The following TRPC5 variants were observed in gnomAD, a reference collection of about 807,000 sequenced individuals.
TRPC5 encodes the protein transient receptor potential cation channel subfamily C member 5, also known as short transient receptor potential channel 5.
In TRPC5, 9 loss-of-function variants were observed where a neutral mutation model predicts 56.5. The observed-to-expected ratio is 0.16, with a 90% CI of 0.10 to 0.28. The LOEUF is 0.28. Ranked by LOEUF, TRPC5 falls within the 10% of genes least tolerant of loss-of-function variation. TRPC5 has a pLI of 1.00. For synonymous variants in TRPC5, 282 were observed against 278.5 expected, an observed-to-expected ratio of 1.01 and a Z score of -0.13; for missense variants, 469 against 748.9, an observed-to-expected ratio of 0.63 and a Z score of 4.36.
At chrX:112,053,347 G>A (rs915633272) in intron 1 of TRPC5, among the ~76,000 whole-genome samples, 26 of 111,672 alleles carry the variant, frequency 2.3e-4, no homozygotes, top group African/African-American at 8.1e-4. Context: ...TCGATATTTT[G>A]AGTTTCAGTT....
intron 7 of TRPC5, among the ~76,000 whole-genome samples, chrX:111,822,388 G>A (rs1038244656): frequency 1.8e-5 from 2 of 112,280 alleles, no homozygotes; most frequent in Non-Finnish European, 3.8e-5. Flanking sequence ...GGATGATAAT[G>A]AGAGGATGCC....
intron 1 of TRPC5, among the ~76,000 whole-genome samples, chrX:112,002,218 A>G (rs1928714254): frequency 8.9e-6 from 1 of 112,504 alleles, no homozygotes; most frequent in Non-Finnish European, 1.9e-5. Flanking sequence ...AGGAATGGAC[A>G]AAAATTTTCA....
intron 1 of TRPC5, among the ~76,000 whole-genome samples, chrX:112,053,983 A>G (rs1362821290): frequency 8.9e-6 from 1 of 112,599 alleles, no homozygotes; most frequent in African/African-American, 3.2e-5. Context: ...TGAATAAAGC[A>G]GACATGACTA....
chrX:111,881,145 T>TA lies in TRPC5; in HGVS notation c.901-27040_901-27039insT, dbSNP rs201802293. On this transcript the variant is annotated intron_variant, in intron 3 of 10. Coordinates refer to ENST00000262839, the MANE Select transcript of TRPC5 (RefSeq NM_012471.3). ...TTGCTGTTGTTTTGTGATTTTCTTTTGTTTATTTTATTTTATTTTATTTTA... is the reference window on the plus strand; with the variant it reads ...TTGCTGTTGTTTTGTGATTTTCTTTTAGTTTATTTTATTTTATTTTATTTTA... 5.0e-3 allele frequency among the ~76,000 whole-genome samples: 473 copies of TA among 95,030 alleles called. 2 individuals carry two copies. The highest frequency in any genetic ancestry group is 0.025 in the African/African-American group (453 of 17,897). 82.5% of individuals were successfully genotyped at this position (95,030 alleles called of 115,157 possible). A position where few individuals can be genotyped will look rare whatever the true frequency, so the allele number is the denominator to read the frequency against.
chrX:112,000,455 G>A (rs911140539), intron 1 of TRPC5, among the ~76,000 whole-genome samples: 3 of 112,004 alleles, frequency 2.7e-5, no homozygotes, highest in African/African-American at 9.8e-5. Context: ...GTTCACTGGG[G>A]AGCACAGCAG....
At chrX:111,820,616 G>T (rs1282342501) in intron 7 of TRPC5, among the ~76,000 whole-genome samples, 1 of 111,740 alleles carries the variant, frequency 8.9e-6, no homozygotes, top group Non-Finnish European at 1.9e-5. Context: ...TGTTACAATG[G>T]GTAGTTGAGA....
chrX:111,917,777 G>A (rs1926017665), intron 2 of TRPC5, among the ~76,000 whole-genome samples: 1 of 112,620 alleles, frequency 8.9e-6, no homozygotes, highest in African/African-American at 3.2e-5. Context: ...CCAGTTTCCA[G>A]GGCAACCAAG....
intron 1 of TRPC5, among the ~76,000 whole-genome samples, chrX:112,049,596 T>C (rs1339325741): frequency 9.2e-6 from 1 of 108,845 alleles, no homozygotes; most frequent in East Asian, 2.8e-4. Context: ...CTCAAACTCC[T>C]GGGCTCAAGT....
At chrX:111,936,416 C>T (rs908653964) in intron 2 of TRPC5, among the ~76,000 whole-genome samples, 1 of 108,434 alleles carries the variant, frequency 9.2e-6, no homozygotes, top group African/African-American at 3.4e-5. Context: ...TATATGTATA[C>T]ATGTGCCATG....
chrX:111,923,649 G>C (rs190912691), intron 2 of TRPC5, among the ~76,000 whole-genome samples: 103 of 111,928 alleles, frequency 9.2e-4, no homozygotes, highest in African/African-American at 3.0e-3. Context: ...AAGGCTCCAA[G>C]GTAGGAAGGG....
At chrX:112,061,954 T>C (rs923004351) in intron 1 of TRPC5, among the ~76,000 whole-genome samples, 1 of 112,171 alleles carries the variant, frequency 8.9e-6, no homozygotes, top group African/African-American at 3.2e-5. Context: ...TTCAATGATA[T>C]AATGGTTTGA....
intron 2 of TRPC5, among the ~76,000 whole-genome samples, chrX:111,922,367 T>C (rs1206101014): frequency 5.4e-5 from 6 of 112,121 alleles, no homozygotes; most frequent in African/African-American, 1.9e-4. Flanking sequence ...AAAATGAACC[T>C]CCTGTCTTAT....
chrX:111,883,313 G>T (rs973492939), intron 3 of TRPC5, among the ~76,000 whole-genome samples: 1 of 111,916 alleles, frequency 8.9e-6, no homozygotes, highest in Non-Finnish European at 1.9e-5. Flanking sequence ...AGCCCAACTG[G>T]GACCTATTCA....
intron 1 of TRPC5, among the ~76,000 whole-genome samples, chrX:111,972,555 A>G (rs1927812891): frequency 1.8e-5 from 2 of 112,349 alleles, no homozygotes; most frequent in African/African-American, 3.2e-5. Context: ...AACTCAGTGT[A>G]GCTGACTGGG....
At chrX:112,036,728 G>T (rs997837387) in intron 1 of TRPC5, among the ~76,000 whole-genome samples, 1 of 111,391 alleles carries the variant, frequency 9.0e-6, no homozygotes, top group Non-Finnish European at 1.9e-5. Context: ...TGCCTATTCT[G>T]CTATTTTGCT....
rs1298710443 is a variant in TRPC5 at position 112,070,514 on chromosome X, T to A, written c.-22+11365A>T. 2.7e-5 allele frequency among the ~76,000 whole-genome samples: 3 copies of A among 110,728 alleles called. No individual in the cohort carries two copies. In the Admixed American group the frequency reaches 2.9e-4, roughly 11 times the overall value. On this transcript the variant is annotated intron_variant, in intron 1 of 10. Coordinates refer to ENST00000262839, the MANE Select transcript of TRPC5 (RefSeq NM_012471.3). The stretch of plus-strand genomic sequence containing the variant: ...GTCTCCAACCTTATAGAGGAAAGAG[T>A]CTTTGAGATATGAATCTCCCCCACC...
At chrX:112,072,326 A>C (rs904287414) in intron 1 of TRPC5, among the ~76,000 whole-genome samples, 9 of 112,141 alleles carry the variant, frequency 8.0e-5, no homozygotes, top group Non-Finnish European at 1.3e-4. Flanking sequence ...AACTCTTAGA[A>C]CCATGCCTTT....
At chrX:111,968,945 C>T (rs1465421571) in intron 1 of TRPC5, among the ~76,000 whole-genome samples, 39 of 103,417 alleles carry the variant, frequency 3.8e-4, no homozygotes, top group African/African-American at 8.8e-4. Flanking sequence ...CTGCACATTG[C>T]GCACATGTAC....
At chrX:111,870,102 G>C (rs1394244059) in intron 3 of TRPC5, among the ~76,000 whole-genome samples, 1 of 112,139 alleles carries the variant, frequency 8.9e-6, no homozygotes, top group African/African-American at 3.2e-5. Flanking sequence ...ATTGTGATGG[G>C]ATAATTCTTT....
Sources: allele counts gnomAD v4.1 joint callset (sites outside exome capture counted in the v4.1 genomes callset), GRCh38; gene constraint gnomAD v4.1.1; transcripts MANE v1.5; gene names NCBI Gene and HGNC (gene_info 2026-07-23, HGNC 2026-07-21).